UBE2K: variants seen among roughly 807,000 people sequenced by gnomAD.
The protein encoded by UBE2K is ubiquitin-conjugating enzyme E2 K.
UBE2K carries 6 observed loss-of-function variants against 30.0 expected under a neutral mutation model. The ratio of observed to expected loss-of-function variants is 0.20; its 90% CI spans 0.11 to 0.39. The LOEUF (loss-of-function observed/expected upper bound fraction) is 0.39, where lower values mean the gene tolerates loss of function less well. UBE2K is among the 10% of genes least tolerant of loss of function. The pLI is 1.00. For missense variants in UBE2K, 61 were observed against 241.6 expected (o/e 0.25, Z 4.96); for synonymous variants, 86 against 83.7 (o/e 1.03, Z -0.15).
chr4:39,757,028 T>G (rs1241032312), intron 4 of UBE2K, among the ~76,000 whole-genome samples: 6 of 117,744 alleles, frequency 5.1e-5, no homozygotes, highest in East Asian at 4.6e-4. Context: ...GTTTTTTGTT[T>G]TTTGTTTTTT....
At chr4:39,745,868 AT>A (rs1720960692) in intron 3 of UBE2K, 58 bp downstream of exon 3, 1 of 1,272,552 alleles carries the variant, frequency 7.9e-7, no homozygotes, top group African/African-American at 1.5e-5. Flanking sequence ...TTCTGACCTC[AT>A]TTTATTAATA....
intron 1 of UBE2K, among the ~76,000 whole-genome samples, chr4:39,732,672 C>CTT (rs10650873): frequency 0.015 from 1,674 of 115,068 alleles, 46 homozygotes; most frequent in Non-Finnish European, 0.018. Flanking sequence ...CTTCTTCCCT[C>CTT]TTTTTTTTTT....
Position 39,705,752 on chromosome 4 carries a change from A to G in UBE2K, c.63+7362A>G, listed in dbSNP as rs569591413. On this transcript the variant is annotated intron_variant, in intron 1 of 6. Transcript: ENST00000261427. ...ACCCAGCCTGGAGTGCAGTGGCTCC[A>G]TCTCAGCTCACTGCAACCTCCGCCT... is the stretch of plus-strand genomic sequence containing the variant. Among the ~76,000 whole-genome samples the G allele has an allele frequency of 3.3e-5, 5 of 152,172 alleles. No individual in the cohort carries two copies. In the East Asian group the frequency reaches 9.7e-4, roughly 29 times the overall value.
chr4:39,721,078 G>T (rs1372756938), intron 1 of UBE2K, among the ~76,000 whole-genome samples: 1 of 152,032 alleles, frequency 6.6e-6, no homozygotes, highest in African/African-American at 2.4e-5. Context: ...TTTCCTGATG[G>T]ACTGTCCTAC....
In UBE2K at chr4:39,722,799, C is replaced by T. The variant is rs73141400; in HGVS notation, c.64-14621C>T. Among the ~76,000 whole-genome samples, 256 of 100,122 alleles carry T rather than the reference C, an allele frequency of 2.6e-3. 1 individual carries two copies. Among genetic ancestry groups the T allele is most frequent in the South Asian group, 4.7e-3 (14 of 2,972 alleles). The allele number at this position is 100,122 out of a possible 152,430, so 65.7% of individuals were successfully genotyped here. A position where few individuals can be genotyped will look rare whatever the true frequency, so the allele number is the denominator to read the frequency against. On this transcript the variant is annotated intron_variant, in intron 1 of 6. Coordinates refer to ENST00000261427, the MANE Select transcript of UBE2K (RefSeq NM_005339.5). Reference sequence around the variant, plus strand: ...GACCTGCTGTATTCTCTTTTTCTCTCTTTTTTTTTTTTTTGAGATGGAGTC... The same window carrying T: ...GACCTGCTGTATTCTCTTTTTCTCTTTTTTTTTTTTTTTTGAGATGGAGTC...
At chr4:39,709,059 T>A (rs531794108) in intron 1 of UBE2K, among the ~76,000 whole-genome samples, 2 of 152,010 alleles carry the variant, frequency 1.3e-5, no homozygotes, top group Admixed American at 6.6e-5. Flanking sequence ...TTGCTTTGAG[T>A]CCTGGCTTTT....
intron 1 of UBE2K, among the ~76,000 whole-genome samples, chr4:39,706,471 C>CA (rs1718371015): frequency 7.5e-6 from 1 of 133,584 alleles, no homozygotes; most frequent in Non-Finnish European, 1.6e-5. Context: ...CATGCCTGGA[C>CA]TTTTTTTTTT....
chr4:39,714,542 A>T lies in UBE2K; in HGVS notation c.63+16152A>T, dbSNP rs1252705864. On this transcript the variant is annotated intron_variant, in intron 1 of 6. Transcript: ENST00000261427. ...CATATATATATATATATATATATAT[A>T]TATATATATTTTTTTTTTTTTTTAA... 132 of 20,184 alleles carry T rather than the reference A, an allele frequency of 6.5e-3. 2 individuals are homozygous for T. Among genetic ancestry groups the T allele is most frequent in the East Asian group, 0.037 (13 of 350 alleles). The allele number at this position is 20,184 out of a possible 1,614,324, so 1.3% of individuals were successfully genotyped here. A position where few individuals can be genotyped will look rare whatever the true frequency, so the allele number is the denominator to read the frequency against.
rs114030690 is a variant in UBE2K, at chr4:39,766,244, A to G, written c.300-8590A>G. Among the ~76,000 whole-genome samples, 1,143 of 151,548 alleles carry G rather than the reference A, an allele frequency of 7.5e-3. 15 individuals are homozygous for G. The highest frequency in any genetic ancestry group is 0.026 in the African/African-American group (1,083 of 41,222). ...TTTCCCATAGAGTTTTCACCATTTT[A>G]CATTCCCACAAGTAGTGCACAAGAG... On this transcript the variant is annotated intron_variant, in intron 4 of 6. Transcript: ENST00000261427.
intron 1 of UBE2K, among the ~76,000 whole-genome samples, chr4:39,734,037 G>A (rs1222435917): frequency 6.6e-6 from 1 of 151,892 alleles, no homozygotes; most frequent in African/African-American, 2.4e-5. Context: ...AAAAATTTTT[G>A]GCTTAACTTT....
intron 4 of UBE2K, chr4:39,770,896 T>G: frequency 6.5e-7 from 1 of 1,539,868 alleles, no homozygotes; most frequent in South Asian, 1.2e-5. Context: ...AACTCCAGCT[T>G]CACTGGCCGC....
chr4:39,725,704 A>G lies in UBE2K; in HGVS notation c.64-11716A>G, dbSNP rs552537395. Among the ~76,000 whole-genome samples the G allele has an allele frequency of 5.9e-5, 9 of 152,230 alleles. No homozygotes were observed. In the East Asian group the frequency reaches 1.7e-3, roughly 29 times the overall value. ...TCCCCCTGCCAGAAGCATGCAGGGAATTTTCTTCCATCCTCACTGTGAGAA... is the reference window on the plus strand; with the variant it reads ...TCCCCCTGCCAGAAGCATGCAGGGAGTTTTCTTCCATCCTCACTGTGAGAA... On this transcript the variant is annotated intron_variant, in intron 1 of 6. Transcript: ENST00000261427.
intron 1 of UBE2K, among the ~76,000 whole-genome samples, chr4:39,717,738 A>G (rs939078883): frequency 2.6e-5 from 4 of 152,110 alleles, no homozygotes; most frequent in South Asian, 4.1e-4. Flanking sequence ...GTGAGTGTTA[A>G]CAGTTCTTAA....
At chr4:39,736,206 T>C (rs1720370835) in intron 1 of UBE2K, among the ~76,000 whole-genome samples, 1 of 152,186 alleles carries the variant, frequency 6.6e-6, no homozygotes, top group South Asian at 2.1e-4. Flanking sequence ...CTCACGTCTA[T>C]AATCCCAGCA....
In UBE2K at chr4:39,777,694, C is replaced by G; in HGVS notation, c.412C>G (p.Pro138Ala). 1 of 1,560,574 alleles carries G rather than the reference C, an allele frequency of 6.4e-7. No individual in the cohort carries two copies. Among genetic ancestry groups the G allele is most frequent in the East Asian group, 2.4e-5 (1 of 42,154 alleles). Residue 138 changes from proline (P) to alanine (A), a missense_variant, in exon 6 of 7, where the codon CCC becomes GCC. Transcript: ENST00000261427. ...AVVANQYKQN[P>A]EMFKQTARLW... ...TCCCCCCATATAGTACAAACAAAATCCCGAAATGTTCAAACAGACAGCTCG... is the reference window on the plus strand; with the variant it reads ...TCCCCCCATATAGTACAAACAAAATGCCGAAATGTTCAAACAGACAGCTCG...
At chr4:39,778,256 G>C in intron 6 of UBE2K, 104 bp from the exon 7 acceptor site, 1 of 606,872 alleles carries the variant, frequency 1.6e-6, no homozygotes. Context: ...TCAACTTACA[G>C]AAAAGAAACA....
chr4:39,767,269 T>C (rs934437570), intron 4 of UBE2K, among the ~76,000 whole-genome samples: 3 of 151,742 alleles, frequency 2.0e-5, no homozygotes, highest in Admixed American at 1.3e-4. Context: ...GCTTCACTAA[T>C]TTGAGAGATT....
chr4:39,771,896 G>A (rs991294989), intron 4 of UBE2K, among the ~76,000 whole-genome samples: 11 of 152,068 alleles, frequency 7.2e-5, no homozygotes, highest in Admixed American at 7.2e-4. Flanking sequence ...GCTGGAGTGC[G>A]GTGGCGCCAT....
In UBE2K at chr4:39,738,686, T is replaced by G. The variant is rs189865434; in HGVS notation, c.157+1173T>G. 7.6e-3 allele frequency among the ~76,000 whole-genome samples: 1,158 copies of G among 152,180 alleles called. 10 individuals are homozygous for G. The highest frequency in any genetic ancestry group is 0.02 in the Middle Eastern group (6 of 294). On this transcript the variant is annotated intron_variant, in intron 2 of 6. Transcript: ENST00000261427. ...TGTTTTTTGTTGTTCATTTTTTGAT[T>G]GTTTGTTTTTTGAGACTGAGTCTCT...
Sources: gnomAD v4.1 joint callset for allele counts (sites outside exome capture counted in the v4.1 genomes callset) on GRCh38, gnomAD v4.1.1 for gene constraint, MANE v1.5 for transcripts, NCBI Gene and HGNC (gene_info 2026-07-23, HGNC 2026-07-21) for gene names.